The following PHEX variants were observed in gnomAD, a reference collection of about 807,000 sequenced individuals.
PHEX encodes the protein phosphate-regulating neutral endopeptidase PHEX.
Under a neutral mutation model 68.0 loss-of-function variants are expected in PHEX, and 16 were observed. The ratio of observed to expected loss-of-function variants is 0.24; its 90% CI spans 0.16 to 0.36. The LOEUF (loss-of-function observed/expected upper bound fraction) is 0.36. PHEX is among the 10% of genes least tolerant of loss of function. The pLI is 1.00. For synonymous variants in PHEX, 208 were observed against 205.1 expected (o/e 1.01, Z -0.12); for missense variants, 480 against 575.5 (o/e 0.83, Z 1.70).
intron 12 of PHEX, among the ~76,000 whole-genome samples, chrX:22,145,006 G>A (rs1932626368): frequency 9.0e-6 from 1 of 111,726 alleles, no homozygotes; most frequent in Non-Finnish European, 1.9e-5. Context: ...CTAGAGGTTT[G>A]ATTAGATTCA....
At chrX:22,238,678 G>A (rs1376757421) in intron 20 of PHEX, among the ~76,000 whole-genome samples, 3 of 111,820 alleles carry the variant, frequency 2.7e-5, no homozygotes, top group African/African-American at 9.7e-5. Context: ...AGAGCCCACA[G>A]CAGTTCAGCA....
intron 1 of PHEX, among the ~76,000 whole-genome samples, chrX:22,034,759 C>T (rs1025733036): frequency 8.9e-6 from 1 of 112,238 alleles, no homozygotes; most frequent in South Asian, 3.7e-4. Context: ...GCTTGAGCTC[C>T]ACCCCAGACC....
chrX:22,140,232 A>G (rs1219282799), intron 12 of PHEX, among the ~76,000 whole-genome samples: 2 of 110,347 alleles, frequency 1.8e-5, no homozygotes, highest in East Asian at 5.7e-4. Context: ...TCCCCTTTTC[A>G]CCATTTCTCG....
intron 15 of PHEX, among the ~76,000 whole-genome samples, chrX:22,198,264 TTA>T (rs199639416): frequency 1.1e-5 from 1 of 89,041 alleles, no homozygotes; most frequent in East Asian, 3.4e-4. Flanking sequence ...GTTACTACTA[TTA>T]TATATATATA....
intron 11 of PHEX, among the ~76,000 whole-genome samples, chrX:22,130,595 A>C (rs1342318382): frequency 1.8e-5 from 2 of 109,657 alleles, no homozygotes; most frequent in Middle Eastern, 4.2e-3. Context: ...GATAGGCAAA[A>C]GATCTAGTCC....
In PHEX at chrX:22,219,156, A is replaced by C; in HGVS notation, c.1768+53A>C. 7 of 764,868 alleles carry C rather than the reference A, an allele frequency of 9.2e-6. No homozygotes were observed. The South Asian group carries it at 1.3e-4, about 14-fold the overall frequency. 63.0% of individuals were successfully genotyped at this position (764,868 alleles called of 1,213,427 possible). ...CTGCTTTTATAATAATGTTGACTATATGGATGTTAATTGTTATGATTATCT... is the reference window on the plus strand; with the variant it reads ...CTGCTTTTATAATAATGTTGACTATCTGGATGTTAATTGTTATGATTATCT... On this transcript the variant is annotated intron_variant, in intron 17 of 21. Coordinates refer to ENST00000379374, the MANE Select transcript of PHEX (RefSeq NM_000444.6).
At chrX:22,237,832 A>G (rs1332229771) in intron 20 of PHEX, among the ~76,000 whole-genome samples, 1 of 112,274 alleles carries the variant, frequency 8.9e-6, no homozygotes, top group African/African-American at 3.2e-5. Context: ...TCCTAGTTCA[A>G]TTCACACTTG....
At chrX:22,192,565 G>T (rs1220201960) in intron 15 of PHEX, among the ~76,000 whole-genome samples, 1 of 111,402 alleles carries the variant, frequency 9.0e-6, no homozygotes, top group African/African-American at 3.3e-5. Flanking sequence ...CCCTCCTTCT[G>T]TTCCGGCCAC....
chrX:22,155,735 T>G (rs921197929), intron 12 of PHEX, among the ~76,000 whole-genome samples: 3 of 112,036 alleles, frequency 2.7e-5, no homozygotes, highest in Non-Finnish European at 3.8e-5. Context: ...AAATAGTTAT[T>G]ATTTAATTAT....
chrX:22,237,202 A>G (rs1356692080), intron 20 of PHEX, among the ~76,000 whole-genome samples: 1 of 112,254 alleles, frequency 8.9e-6, no homozygotes, highest in Non-Finnish European at 1.9e-5. Context: ...AGACAATACT[A>G]TATTAGAGTA....
At chrX:22,087,052 G>A (rs1929657280) in intron 5 of PHEX, among the ~76,000 whole-genome samples, 1 of 111,993 alleles carries the variant, frequency 8.9e-6, no homozygotes, top group East Asian at 2.8e-4. Context: ...GTTGGTTGGT[G>A]TGTTTAAAAT....
chrX:22,164,112 T>C lies in PHEX; in HGVS notation c.1405-4200T>C, dbSNP rs1304623313. On this transcript the variant is annotated intron_variant, in intron 12 of 21. Transcript: ENST00000379374. The stretch of plus-strand genomic sequence containing the variant: ...CTACCAACAGCAAATGAATGGCATC[T>C]CCTCTTCTACCTTTGGAATTGCCTA... 8.1e-5 allele frequency among the ~76,000 whole-genome samples: 9 copies of C among 111,766 alleles called. No homozygotes were observed. The East Asian group carries it at 2.5e-3, about 31-fold the overall frequency.
At position 22,111,455 on chromosome X, in the gene PHEX, C is replaced by T; in HGVS notation, c.1080-12C>T. 3 of 1,173,681 alleles carry T rather than the reference C, an allele frequency of 2.6e-6. No individual in the cohort carries two copies. Among genetic ancestry groups the T allele is most frequent in the Non-Finnish European group, 3.5e-6 (3 of 860,508 alleles). On this transcript the variant is annotated splice_polypyrimidine_tract_variant and intron_variant, in intron 9 of 21. Transcript: ENST00000379374. ...TAAAATACAATAAATGGGCATCTCT[C>T]TCTGTTAACAGGACCATTGCCAACT...
Position 22,047,381 on chromosome X carries a change from A to G in PHEX, c.349+170A>G, listed in dbSNP as rs139431328. ...GAAAGGAAAGTTTGCAGAATTCTGG[A>G]CTCCCAGATCTCAACATAAGACTAA... On this transcript the variant is annotated intron_variant, in intron 3 of 21. Coordinates refer to ENST00000379374, the MANE Select transcript of PHEX (RefSeq NM_000444.6). Among the ~76,000 whole-genome samples the G allele has an allele frequency of 0.011, 1,228 of 112,066 alleles. 7 individuals are homozygous for G. Among genetic ancestry groups the G allele is most frequent in the Non-Finnish European group, 0.018 (955 of 53,217 alleles).
At chrX:22,087,116 C>A (rs1929659157) in intron 5 of PHEX, among the ~76,000 whole-genome samples, 1 of 112,123 alleles carries the variant, frequency 8.9e-6, no homozygotes, top group Non-Finnish European at 1.9e-5. Context: ...GGTAACCTCA[C>A]TTGAATTATC....
rs142803266 is a variant in PHEX, at chrX:22,188,226, C to G, written c.1587-2218C>G. 5.0e-3 allele frequency among the ~76,000 whole-genome samples: 562 copies of G among 111,666 alleles called. 2 individuals carry two copies. Among genetic ancestry groups the G allele is most frequent in the African/African-American group, 0.018 (545 of 30,754 alleles). On this transcript the variant is annotated intron_variant, in intron 14 of 21. Transcript: ENST00000379374. ...TCCTATTAGACGTAAATGAGTAATA[C>G]AATTATTCTAGAAAGGGATTTATAC...
chrX:22,075,307 G>A (rs866824203), intron 3 of PHEX, among the ~76,000 whole-genome samples: 1 of 15,854 alleles, frequency 6.3e-5, no homozygotes, highest in Non-Finnish European at 1.3e-4. Context: ...TTTTTTTTTT[G>A]AACTGTAGAA....
At chrX:22,094,380 T>C (rs1163646607) in intron 7 of PHEX, among the ~76,000 whole-genome samples, 1 of 112,131 alleles carries the variant, frequency 8.9e-6, no homozygotes, top group African/African-American at 3.2e-5. Flanking sequence ...GGCCAAAGAA[T>C]AGCAGCAGAG....
chrX:22,151,334 C>G (rs1028402655), intron 12 of PHEX, among the ~76,000 whole-genome samples: 3 of 111,981 alleles, frequency 2.7e-5, no homozygotes, highest in South Asian at 7.5e-4. Flanking sequence ...GTGCAAGATT[C>G]CTGGTCTGCT....
Sources: gnomAD v4.1 joint callset for allele counts (sites outside exome capture counted in the v4.1 genomes callset) on GRCh38, gnomAD v4.1.1 for gene constraint, MANE v1.5 for transcripts, NCBI Gene and HGNC (gene_info 2026-07-23, HGNC 2026-07-21) for gene names.